The following ANTXR2 variants were observed in gnomAD, a reference collection of about 807,000 sequenced individuals.
The protein encoded by ANTXR2 is anthrax toxin receptor 2.
A neutral mutation model predicts 73.7 loss-of-function variants in ANTXR2; 44 were observed. The observed-to-expected ratio is 0.60, with a 90% confidence interval of 0.47 to 0.77. ANTXR2 has a LOEUF of 0.77. ANTXR2 is among the 30% of genes least tolerant of loss of function. The pLI is 0.00. For synonymous variants in ANTXR2, 217 were observed against 205.9 expected, an observed-to-expected ratio of 1.05 and a Z score of -0.46; for missense variants, 604 against 592.5, an observed-to-expected ratio of 1.02 and a Z score of -0.20.
intron 15 of ANTXR2, 112 bp downstream of exon 15, chr4:79,977,895 A>G: frequency 1.5e-6 from 2 of 1,324,906 alleles, no homozygotes; most frequent in Non-Finnish European, 2.1e-6. Flanking sequence ...TGTACAATGA[A>G]TATCTGCAAT....
At chr4:79,978,987 T>C (rs1729767760) in intron 14 of ANTXR2, among the ~76,000 whole-genome samples, 3 of 152,178 alleles carry the variant, frequency 2.0e-5, no homozygotes, top group Non-Finnish European at 4.4e-5. Flanking sequence ...GTGTGGCATA[T>C]GATTTTTTTC....
intron 11 of ANTXR2, among the ~76,000 whole-genome samples, chr4:80,010,404 C>T (rs1300483339): frequency 6.6e-6 from 1 of 152,220 alleles, no homozygotes; most frequent in African/African-American, 2.4e-5. Context: ...CAGCCCCTAT[C>T]TGTGACTGTC....
intron 16 of ANTXR2, among the ~76,000 whole-genome samples, chr4:79,952,727 CTGTT>C (rs1267595785): frequency 6.6e-6 from 1 of 151,634 alleles, no homozygotes; most frequent in Non-Finnish European, 1.5e-5. Context: ...ATTAGAAAAA[CTGTT>C]TGCTCTAAAG....
In ANTXR2 at chr4:79,903,891, T is replaced by C. The variant is rs2109918240; in HGVS notation, c.*3538A>G. ...ACCCACCAAACTTTTCCAGTAGTAA[T>C]GAAACTCTCAAAAACTTTCTAAAGT... On this transcript the variant is annotated 3_prime_UTR_variant, in exon 17 of 17. Transcript: ENST00000403729. 1 of 152,296 alleles carries C rather than the reference T, an allele frequency of 6.6e-6. No individual in the cohort carries two copies. Among genetic ancestry groups the C allele is most frequent in the South Asian group, 2.1e-4 (1 of 4,826 alleles). The allele number at this position is 152,296 out of a possible 1,614,324, so 9.4% of individuals were successfully genotyped here. A position where few individuals can be genotyped will look rare whatever the true frequency, so the allele number is the denominator to read the frequency against.
chr4:80,045,677 T>C (rs1204521310), intron 7 of ANTXR2, among the ~76,000 whole-genome samples: 1 of 151,532 alleles, frequency 6.6e-6, no homozygotes, highest in Non-Finnish European at 1.5e-5. Context: ...AGAAAATATA[T>C]GAAAAGTATT....
chr4:79,993,754 A>ACACG (rs1208804424), intron 12 of ANTXR2, among the ~76,000 whole-genome samples: 5 of 114,952 alleles, frequency 4.3e-5, no homozygotes, highest in African/African-American at 1.5e-4. Context: ...CCACACACAC[A>ACACG]CACACGCACA....
Position 79,977,613 on chromosome 4 carries a change from A to G in ANTXR2, c.1428+8T>C, listed in dbSNP as rs1176987968. On this transcript the variant is annotated splice_region_variant and intron_variant, in intron 16 of 16. Coordinates refer to ENST00000403729, the MANE Select transcript of ANTXR2 (RefSeq NM_058172.6). ...TAGCTCTTTCTCAATACATTCCCAT[A>G]TACAAACCTCATCTCCTTCCTGAGG... 6.4e-7 allele frequency: 1 copy of G among 1,568,528 alleles called. No homozygotes were observed. Among genetic ancestry groups the G allele is most frequent in the Admixed American group, 1.9e-5 (1 of 52,972 alleles).
rs1728538277 is a variant in ANTXR2, at chr4:79,946,950, T to C, written c.1428+30671A>G. 3.3e-5 allele frequency among the ~76,000 whole-genome samples: 5 copies of C among 152,278 alleles called. 1 individual carries two copies. The South Asian group carries it at 1.0e-3, about 32-fold the overall frequency. On this transcript the variant is annotated intron_variant, in intron 16 of 16. Coordinates refer to ENST00000403729, the MANE Select transcript of ANTXR2 (RefSeq NM_058172.6). ...AGAAGGGAAACCATGCTTTATCTTT[T>C]CTTACTGAAGATTTAAATGCCCATG...
intron 16 of ANTXR2, among the ~76,000 whole-genome samples, chr4:79,945,479 T>C (rs190557783): frequency 6.6e-6 from 1 of 152,206 alleles, no homozygotes; most frequent in African/African-American, 2.4e-5. Context: ...CTTTTAAGTG[T>C]TTCACAGGTA....
intron 12 of ANTXR2, among the ~76,000 whole-genome samples, chr4:79,999,741 A>G (rs1313162668): frequency 6.6e-6 from 1 of 152,076 alleles, no homozygotes; most frequent in Non-Finnish European, 1.5e-5. Flanking sequence ...CAATGCCTGT[A>G]AAACACATTT....
At chr4:79,980,728 TC>T (rs979136613) in intron 14 of ANTXR2, among the ~76,000 whole-genome samples, 30 of 152,212 alleles carry the variant, frequency 2.0e-4, no homozygotes, top group African/African-American at 7.2e-4. Context: ...TAACATCATC[TC>T]CGTTCCAGCT....
chr4:80,062,251 A>G lies in ANTXR2; in HGVS notation c.297-6238T>C, dbSNP rs141270899. 1.7e-3 allele frequency among the ~76,000 whole-genome samples: 263 copies of G among 152,238 alleles called. 1 individual carries two copies. The highest frequency in any genetic ancestry group is 6.1e-3 in the African/African-American group (254 of 41,566). ...CCTGTACAATCTGAATTTTGTCAAA[A>G]ATATTCTCCAATTTGGCCTGCACCT... is the stretch of plus-strand genomic sequence containing the variant. On this transcript the variant is annotated intron_variant, in intron 3 of 16. Transcript: ENST00000403729.
At position 80,066,983 on chromosome 4, in the gene ANTXR2, G is replaced by A. The variant is rs191600252; in HGVS notation, c.296+2453C>T. The stretch of plus-strand genomic sequence containing the variant: ...GAGGCCGAGGCGGACGGATCACGAG[G>A]TCAGGAGATCAGGAGATCGAGACCA... On this transcript the variant is annotated intron_variant, in intron 3 of 16. Transcript: ENST00000403729. 2.5e-3 allele frequency among the ~76,000 whole-genome samples: 385 copies of A among 152,160 alleles called. 4 individuals carry two copies. The highest frequency in any genetic ancestry group is 8.4e-3 in the African/African-American group (347 of 41,518).
intron 13 of ANTXR2, 84 bp downstream of exon 13, chr4:79,984,735 C>G: frequency 8.4e-7 from 1 of 1,186,448 alleles, no homozygotes; most frequent in Non-Finnish European, 1.2e-6. Context: ...AGTTATCTAA[C>G]AGACAAAATT....
At chr4:80,023,108 A>G (rs1732250883) in intron 10 of ANTXR2, among the ~76,000 whole-genome samples, 1 of 152,214 alleles carries the variant, frequency 6.6e-6, no homozygotes, top group African/African-American at 2.4e-5. Flanking sequence ...AAGCAATAAA[A>G]TCATTATGTA....
chr4:79,982,422 A>G (rs1729930830), intron 14 of ANTXR2, among the ~76,000 whole-genome samples: 2 of 152,152 alleles, frequency 1.3e-5, no homozygotes, highest in Non-Finnish European at 2.9e-5. Flanking sequence ...GATGAAATCA[A>G]ATAAAAATAA....
At chr4:79,935,235 T>A (rs1728215818) in intron 16 of ANTXR2, among the ~76,000 whole-genome samples, 1 of 151,720 alleles carries the variant, frequency 6.6e-6, no homozygotes, top group African/African-American at 2.4e-5. Context: ...TTTTTTTTTT[T>A]AAAGCACTAC....
At chr4:80,055,551 T>C in intron 4 of ANTXR2, 84 bp from the exon 5 acceptor site, 1 of 1,161,926 alleles carries the variant, frequency 8.6e-7, no homozygotes, top group East Asian at 2.5e-5. Flanking sequence ...TTTGTAAGTC[T>C]GACAAAATCA....
intron 14 of ANTXR2, among the ~76,000 whole-genome samples, chr4:79,978,413 A>G (rs1729737726): frequency 6.6e-6 from 1 of 152,094 alleles, no homozygotes; most frequent in Non-Finnish European, 1.5e-5. Context: ...GAGCCAACTA[A>G]ATTTGAAGCA....
Sources: gnomAD v4.1 joint callset for allele counts (sites outside exome capture counted in the v4.1 genomes callset) on GRCh38, gnomAD v4.1.1 for gene constraint, MANE v1.5 for transcripts, NCBI Gene and HGNC (gene_info 2026-07-23, HGNC 2026-07-21) for gene names.